The following PSMD1 variants were observed in gnomAD, a reference collection of about 807,000 sequenced individuals.
The protein encoded by PSMD1 is proteasome 26S subunit, non-ATPase 1, also known as 26S proteasome non-ATPase regulatory subunit 1.
Under a neutral mutation model 119.0 loss-of-function variants are expected in PSMD1, and 18 were observed. The observed-to-expected ratio is 0.15, with a 90% CI of 0.10 to 0.22. The LOEUF is 0.22. PSMD1 is among the 10% of genes least tolerant of loss of function. The pLI, the probability that PSMD1 is intolerant of heterozygous loss-of-function variation, is 1.00. For missense variants in PSMD1, 702 were observed against 1,158.5 expected (o/e 0.61, Z 5.72); for synonymous variants, 374 against 396.6 (o/e 0.94, Z 0.68).
At chr2:231,084,959 G>T in intron 14 of PSMD1, 60 bp from the exon 15 acceptor site, 1 of 1,377,528 alleles carries the variant, frequency 7.3e-7, no homozygotes, top group Non-Finnish European at 1.0e-6. Flanking sequence ...ATGCCTATTA[G>T]ACTGTAGAAG....
intron 18 of PSMD1, among the ~76,000 whole-genome samples, chr2:231,147,749 CCTG>C: frequency 6.6e-6 from 1 of 152,166 alleles, no homozygotes; most frequent in East Asian, 1.9e-4. Context: ...ATTAATTAAT[CCTG>C]CTCATATAAT....
chr2:231,123,396 C>G (rs755929910), intron 16 of PSMD1: 6 of 1,580,046 alleles, frequency 3.8e-6, no homozygotes, highest in Non-Finnish European at 5.2e-6. Context: ...ATGGCACAAA[C>G]AAAGTGAAAT....
chr2:231,118,295 C>G lies in PSMD1; in HGVS notation c.1884-20441C>G, dbSNP rs78520125. Among the ~76,000 whole-genome samples the G allele has an allele frequency of 4.5e-3, 692 of 152,212 alleles. 6 individuals carry two copies. Among genetic ancestry groups the G allele is most frequent in the African/African-American group, 0.016 (671 of 41,520 alleles). ...CAACTAACTCAACCATGAAAACACTCCTACATAGAAACAAGCCAAATCATC... is the reference window on the plus strand; with the variant it reads ...CAACTAACTCAACCATGAAAACACTGCTACATAGAAACAAGCCAAATCATC... On this transcript the variant is annotated intron_variant, in intron 16 of 24. Coordinates refer to ENST00000308696, the MANE Select transcript of PSMD1 (RefSeq NM_002807.4).
In PSMD1 at chr2:231,167,011, CT is replaced by C. The variant is rs1440257557; in HGVS notation, c.2715+995del. 2.0e-5 allele frequency among the ~76,000 whole-genome samples: 3 copies of C among 152,198 alleles called. No individual in the cohort carries two copies. In the East Asian group the frequency reaches 5.8e-4, roughly 29 times the overall value. ...AATCTTTGTATTTCAGTTTCCTCAT[CT>C]GTAAAATTGATATGGTAATGCTACC... On this transcript the variant is annotated intron_variant, in intron 23 of 24. Coordinates refer to ENST00000308696, the MANE Select transcript of PSMD1 (RefSeq NM_002807.4).
chr2:231,153,941 C>G (rs894937589), intron 19 of PSMD1, among the ~76,000 whole-genome samples: 11 of 151,416 alleles, frequency 7.3e-5, no homozygotes, highest in Non-Finnish European at 1.6e-4. Flanking sequence ...TGGAGAAACC[C>G]CATCTCTACT....
chr2:231,094,841 T>A (rs181259768), intron 16 of PSMD1, among the ~76,000 whole-genome samples: 1 of 152,340 alleles, frequency 6.6e-6, no homozygotes, highest in East Asian at 1.9e-4. Flanking sequence ...GGTCTAGAGA[T>A]AAGGGCAATA....
intron 16 of PSMD1, among the ~76,000 whole-genome samples, chr2:231,134,081 A>C (rs771633452): frequency 2.0e-5 from 3 of 152,198 alleles, no homozygotes; most frequent in Non-Finnish European, 4.4e-5. Context: ...TTTTTCATTA[A>C]AAATTGAATT....
At chr2:231,112,937 G>C (rs1030391713) in intron 16 of PSMD1, among the ~76,000 whole-genome samples, 1 of 152,148 alleles carries the variant, frequency 6.6e-6, no homozygotes, top group African/African-American at 2.4e-5. Flanking sequence ...GGCTGGGGCA[G>C]GGGGATCGCC....
At chr2:231,072,899 G>A (rs75683782) in intron 7 of PSMD1, among the ~76,000 whole-genome samples, 2,863 of 152,104 alleles carry the variant, frequency 0.019, 95 homozygotes, top group African/African-American at 0.065. Context: ...TACACGTTTA[G>A]ATCACTTACT....
At chr2:231,126,850 T>C (rs1230297704) in intron 16 of PSMD1, among the ~76,000 whole-genome samples, 6 of 152,170 alleles carry the variant, frequency 3.9e-5, no homozygotes, top group Admixed American at 2.6e-4. Flanking sequence ...TCTCAAGTTA[T>C]GGGAAGCATA....
chr2:231,064,109 T>C (rs1313913688), intron 4 of PSMD1, among the ~76,000 whole-genome samples: 2 of 152,236 alleles, frequency 1.3e-5, no homozygotes, highest in Admixed American at 6.5e-5. Context: ...CTAAACACTG[T>C]ATCATTTTAC....
chr2:231,170,642 A>G lies in PSMD1; in HGVS notation c.2792A>G (p.His931Arg), dbSNP rs1426983110. Residue 931 changes from histidine to arginine, a missense_variant, in exon 24 of 25, where the codon CAT (histidine) becomes CGT (arginine). This residue lies in a region of PSMD1 where 152 missense variants were observed against 239.3 expected (regional missense o/e 0.64). Transcript: ENST00000308696. This position sits in a 1 kb window ranked among gnomAD's most constrained non-coding sequence, Gnocchi z 4.1. ...GAGCTGGTGGAACCTGTGGCAGCAC[A>G]TGGCCCAAAAATCGAGGAGGAGGAA... ...IEELVEPVAA[H>R]GPKIEEEEQE... is the part of the protein sequence containing the mutation. 1 of 1,614,154 alleles carries G rather than the reference A, an allele frequency of 6.2e-7. No individual in the cohort carries two copies. The highest frequency in any genetic ancestry group is 1.1e-5 in the South Asian group (1 of 91,084).
chr2:231,077,189 T>C, intron 9 of PSMD1, 27 bp downstream of exon 9: 1 of 1,372,722 alleles, frequency 7.3e-7, no homozygotes, highest in Non-Finnish European at 9.8e-7. Context: ...TAATAGAGGA[T>C]TTTAAAAAAT....
chr2:231,096,444 A>G (rs943907277), intron 16 of PSMD1, among the ~76,000 whole-genome samples: 4 of 152,132 alleles, frequency 2.6e-5, no homozygotes, highest in Non-Finnish European at 4.4e-5. Context: ...ACTAAGGCCC[A>G]TAACATTAGA....
At chr2:231,090,693 C>T (rs1290300472) in intron 16 of PSMD1, among the ~76,000 whole-genome samples, 1 of 152,172 alleles carries the variant, frequency 6.6e-6, no homozygotes, top group Admixed American at 6.5e-5. Flanking sequence ...TCATGATTCA[C>T]AGGAGGAAGT....
At chr2:231,138,710 T>C (rs1358417004) in intron 16 of PSMD1, 26 bp from the exon 17 acceptor site, 5 of 1,533,140 alleles carry the variant, frequency 3.3e-6, no homozygotes, top group Non-Finnish European at 4.5e-6. Context: ...CCTATAACAG[T>C]GGCTTCGCTT....
intron 15 of PSMD1, 27 bp downstream of exon 15, chr2:231,085,141 T>G: frequency 6.3e-7 from 1 of 1,586,940 alleles, no homozygotes; most frequent in South Asian, 1.1e-5. Flanking sequence ...TTCTTGGGAA[T>G]GGGGTGGACG....
At chr2:231,083,075 G>A (rs1694352492) in intron 13 of PSMD1, 81 bp downstream of exon 13, 1 of 1,063,368 alleles carries the variant, frequency 9.4e-7, no homozygotes, top group Non-Finnish European at 1.4e-6. Flanking sequence ...CCTATATTTT[G>A]TAGCCTCTTA....
In PSMD1 at chr2:231,123,361, T is replaced by C. The variant is rs1465920042; in HGVS notation, c.1884-15375T>C. ...GATTAAATGAGTGTCCATTCTCTAA[T>C]AGTATATCATAGTTCTGTGGTTTGA... On this transcript the variant is annotated intron_variant, in intron 16 of 24. Transcript: ENST00000308696. 4.1e-6 allele frequency: 5 copies of C among 1,228,464 alleles called. No individual in the cohort carries two copies. The Admixed American group carries it at 8.4e-5, about 21-fold the overall frequency. 76.1% of individuals were successfully genotyped at this position (1,228,464 alleles called of 1,614,324 possible).
Sources: allele counts gnomAD v4.1 joint callset (sites outside exome capture counted in the v4.1 genomes callset), GRCh38; gene constraint gnomAD v4.1.1; regional missense constraint gnomAD v4.1.1; non-coding constraint Gnocchi (gnomAD v3.1); transcripts MANE v1.5; gene names NCBI Gene and HGNC (gene_info 2026-07-23, HGNC 2026-07-21).